Variants in MAPK10 observed in about 807,000 individuals in gnomAD.
The protein encoded by MAPK10 is JNK3 alpha protein kinase.
MAPK10 carries 25 observed loss-of-function variants against 59.3 expected under a neutral mutation model. That is an observed-to-expected ratio of 0.42 (90% confidence interval 0.31 to 0.59). MAPK10 has a LOEUF of 0.59. Among genes scored for constraint, MAPK10 ranks in the 20% least tolerant of loss-of-function variants. The pLI is 0.15. For missense variants in MAPK10, 351 were observed against 568.9 expected (o/e 0.62, Z 3.90); for synonymous variants, 190 against 200.5 (o/e 0.95, Z 0.44).
intron 9 of MAPK10, among the ~76,000 whole-genome samples, chr4:86,094,406 A>G (rs2053843700): frequency 6.6e-6 from 1 of 151,952 alleles, no homozygotes; most frequent in Non-Finnish European, 1.5e-5. Context: ...TTAGCTTTGG[A>G]TATAATATAC....
intron 11 of MAPK10, among the ~76,000 whole-genome samples, chr4:86,061,314 C>G (rs550287930): frequency 4.5e-4 from 69 of 152,190 alleles, no homozygotes; most frequent in African/African-American, 1.6e-3. Context: ...CTATTTGTTT[C>G]ATGAAAAAGC....
chr4:86,584,338 GTAT>G (rs1228576546), intron 1 of MAPK10, among the ~76,000 whole-genome samples: 12 of 152,176 alleles, frequency 7.9e-5, no homozygotes. Context: ...TGACACTCAG[GTAT>G]TAAACTTTTA....
chr4:86,517,649 A>G (rs566692866), intron 1 of MAPK10, among the ~76,000 whole-genome samples: 8 of 152,086 alleles, frequency 5.3e-5, no homozygotes, highest in Non-Finnish European at 1.2e-4. Context: ...CTGTCCATCA[A>G]GGATATTGGT....
chr4:86,546,156 G>A (rs1292004586), intron 1 of MAPK10, among the ~76,000 whole-genome samples: 2 of 152,182 alleles, frequency 1.3e-5, no homozygotes, highest in Non-Finnish European at 2.9e-5. Flanking sequence ...CTGGGAGGCA[G>A]AGGCTGCAGT....
intron 11 of MAPK10, among the ~76,000 whole-genome samples, chr4:86,043,198 G>A (rs941332730): frequency 3.3e-5 from 5 of 152,056 alleles, no homozygotes; most frequent in Non-Finnish European, 5.9e-5. Context: ...GACTCCCAGA[G>A]AGAAAAGAAA....
intron 3 of MAPK10, chr4:86,192,435 C>T (rs1398623472): frequency 6.6e-6 from 1 of 152,186 alleles, no homozygotes; most frequent in Non-Finnish European, 1.5e-5. Flanking sequence ...GGTCTTTTCA[C>T]ATAGTCCTAT....
intron 1 of MAPK10, among the ~76,000 whole-genome samples, chr4:86,448,125 A>G (rs115583703): frequency 0.012 from 1,783 of 152,336 alleles, 23 homozygotes; most frequent in Non-Finnish European, 0.018. Flanking sequence ...ACACACATAC[A>G]CAAAAAAAAC....
chr4:86,538,997 C>T (rs778505332), intron 1 of MAPK10, among the ~76,000 whole-genome samples: 95 of 152,160 alleles, frequency 6.2e-4, no homozygotes, highest in Admixed American at 2.7e-3. Context: ...TTTAAAAATG[C>T]TGTAATAGGC....
intron 2 of MAPK10, among the ~76,000 whole-genome samples, chr4:86,199,130 T>G (rs546716961): frequency 3.3e-5 from 5 of 152,082 alleles, no homozygotes; most frequent in Non-Finnish European, 7.4e-5. Flanking sequence ...TGCCATTATT[T>G]AGTAAACTTG....
intron 7 of MAPK10, 29 bp downstream of exon 7, chr4:86,101,865 A>T: frequency 6.2e-7 from 1 of 1,611,828 alleles, no homozygotes; most frequent in Non-Finnish European, 8.5e-7. Flanking sequence ...AAAGCATTTG[A>T]ATTGTAATCC....
intron 4 of MAPK10, among the ~76,000 whole-genome samples, chr4:86,120,833 T>C (rs2059121109): frequency 6.6e-6 from 1 of 152,152 alleles, no homozygotes; most frequent in African/African-American, 2.4e-5. Flanking sequence ...GCATATAGGG[T>C]GTAGTTAGAC....
At chr4:86,083,151 G>C (rs1461943931) in intron 9 of MAPK10, among the ~76,000 whole-genome samples, 1 of 152,048 alleles carries the variant, frequency 6.6e-6, no homozygotes, top group East Asian at 1.9e-4. Flanking sequence ...GGCAGAGCAG[G>C]ATGGCAAAAT....
At chr4:86,580,478 G>A (rs751463505) in intron 1 of MAPK10, among the ~76,000 whole-genome samples, 4 of 151,802 alleles carry the variant, frequency 2.6e-5, no homozygotes, top group Admixed American at 6.6e-5. Context: ...CAGCCTGTGC[G>A]ACAGAGCGAG....
At chr4:86,115,910 G>T (rs1002216961) in intron 4 of MAPK10, among the ~76,000 whole-genome samples, 18 of 152,210 alleles carry the variant, frequency 1.2e-4, no homozygotes, top group Admixed American at 1.2e-3. Context: ...TTCTGTGCTT[G>T]TGTTTGTTCT....
chr4:86,578,066 G>A (rs550955958), intron 1 of MAPK10, among the ~76,000 whole-genome samples: 16 of 152,158 alleles, frequency 1.1e-4, no homozygotes, highest in South Asian at 8.3e-4. Flanking sequence ...GCTGATGAGC[G>A]AGCAAAAACA....
At chr4:86,517,723 T>C (rs1232185689) in intron 1 of MAPK10, among the ~76,000 whole-genome samples, 4 of 152,198 alleles carry the variant, frequency 2.6e-5, no homozygotes, top group Non-Finnish European at 5.9e-5. Context: ...ACTGGGTTCA[T>C]AGAATGATTT....
At chr4:86,364,275 C>T (rs918436988), upstream of MAPK10, among the ~76,000 whole-genome samples, 4 of 152,140 alleles carry the variant, frequency 2.6e-5, no homozygotes, top group South Asian at 2.1e-4. Context: ...CATAGGTGCG[C>T]GTCACCATGC....
chr4:86,062,326 C>T (rs2148983170), intron 11 of MAPK10, among the ~76,000 whole-genome samples: 1 of 152,256 alleles, frequency 6.6e-6, no homozygotes, highest in Admixed American at 6.5e-5. Flanking sequence ...CGTGCCCCAG[C>T]ATGACCAATA....
At chr4:86,345,681 G>A (rs1564585438) in intron 2 of MAPK10, among the ~76,000 whole-genome samples, 1 of 152,022 alleles carries the variant, frequency 6.6e-6, no homozygotes, top group Non-Finnish European at 1.5e-5. Flanking sequence ...TTCTAAACTC[G>A]AACAAACACT....
Sources: gnomAD v4.1 joint callset for allele counts (sites outside exome capture counted in the v4.1 genomes callset) on GRCh38, gnomAD v4.1.1 for gene constraint, MANE v1.5 for transcripts, NCBI Gene and HGNC (gene_info 2026-07-23, HGNC 2026-07-21) for gene names.